The following SORCS2 variants were observed in gnomAD, a reference collection of about 807,000 sequenced individuals.
The protein encoded by SORCS2 is VPS10 domain-containing receptor SorCS2.
SORCS2 carries 100 observed loss-of-function variants against 141.6 expected under a neutral mutation model. The ratio of observed to expected loss-of-function variants is 0.71; its 90% CI spans 0.60 to 0.83. SORCS2 has a LOEUF of 0.83. Among genes scored for constraint, SORCS2 ranks in the 40% least tolerant of loss-of-function variants. The probability of loss-of-function intolerance (pLI) is 0.00; values close to 1 mark genes in which losing one functional copy is unlikely to be tolerated. For missense variants in SORCS2, 1,646 were observed against 1,560.2 expected (o/e 1.05, Z -0.93); for synonymous variants, 789 against 676.9 (o/e 1.17, Z -2.57).
intron 21 of SORCS2, among the ~76,000 whole-genome samples, chr4:7,727,719 C>G (rs866243801): frequency 6.6e-6 from 1 of 152,160 alleles, no homozygotes; most frequent in South Asian, 2.1e-4. Context: ...CCCTTGAGCC[C>G]GTCAGCCCTG....
chr4:7,452,560 G>C (rs1728532582), intron 2 of SORCS2, among the ~76,000 whole-genome samples: 1 of 152,184 alleles, frequency 6.6e-6, no homozygotes, highest in African/African-American at 2.4e-5. Context: ...CCCTGCCCCA[G>C]CCTTCTGTAA....
At chr4:7,670,103 G>A (rs1036239768) in intron 8 of SORCS2, among the ~76,000 whole-genome samples, 1 of 152,116 alleles carries the variant, frequency 6.6e-6, no homozygotes, top group Non-Finnish European at 1.5e-5. Context: ...TATTTGTGTA[G>A]CTTAGTTGCT....
rs899174284 is a variant in SORCS2, at chr4:7,395,926, G to A, written c.481-362G>A. On this transcript the variant is annotated intron_variant, in intron 1 of 26. Transcript: ENST00000507866. ...TGTCTCCAGAAGCCTTGCCAAATGC[G>A]CTCCATCCTCACATAGGGACCACTG... is the stretch of plus-strand genomic sequence containing the variant. 5.3e-5 allele frequency among the ~76,000 whole-genome samples: 8 copies of A among 152,192 alleles called. No individual in the cohort carries two copies. In the South Asian group the frequency reaches 6.2e-4, roughly 12 times the overall value.
At chr4:7,589,919 G>C (rs1485065331) in intron 3 of SORCS2, among the ~76,000 whole-genome samples, 2 of 152,218 alleles carry the variant, frequency 1.3e-5, no homozygotes, top group East Asian at 3.9e-4. Flanking sequence ...AGACTCACCA[G>C]GTCTGTGTGT....
intron 1 of SORCS2, among the ~76,000 whole-genome samples, chr4:7,300,599 G>C (rs1717371480): frequency 6.6e-6 from 1 of 152,216 alleles, no homozygotes; most frequent in Non-Finnish European, 1.5e-5. Flanking sequence ...CTTTGGAGTA[G>C]GTACTGTCAT....
intron 19 of SORCS2, 64 bp downstream of exon 19, chr4:7,723,947 G>A (rs930088562): frequency 4.1e-6 from 6 of 1,470,046 alleles, no homozygotes; most frequent in Admixed American, 2.5e-5. Context: ...CTGGCTTTGG[G>A]GGAAACACAG....
chr4:7,245,840 A>G (rs1713044359), intron 1 of SORCS2, among the ~76,000 whole-genome samples: 1 of 151,708 alleles, frequency 6.6e-6, no homozygotes, highest in Non-Finnish European at 1.5e-5. Context: ...AGGCAGGACA[A>G]CTCCCCCTTT....
intron 3 of SORCS2, among the ~76,000 whole-genome samples, chr4:7,623,123 A>G (rs1324674093): frequency 6.6e-6 from 1 of 151,924 alleles, no homozygotes; most frequent in Admixed American, 6.6e-5. Context: ...GTGCCCAGGG[A>G]CACCGATACC....
intron 3 of SORCS2, among the ~76,000 whole-genome samples, chr4:7,621,483 G>A (rs781147440): frequency 1.3e-5 from 2 of 151,410 alleles, no homozygotes; most frequent in African/African-American, 2.4e-5. Flanking sequence ...GTCTGTGTGT[G>A]TTTATATGTG....
At chr4:7,597,637 G>A (rs1717368859) in intron 3 of SORCS2, among the ~76,000 whole-genome samples, 1 of 149,996 alleles carries the variant, frequency 6.7e-6, no homozygotes, top group South Asian at 2.1e-4. Context: ...TAAAGGGAAG[G>A]GGGCTATTGT....
intron 1 of SORCS2, among the ~76,000 whole-genome samples, chr4:7,366,628 C>G (rs949889668): frequency 6.6e-6 from 1 of 152,076 alleles, no homozygotes; most frequent in African/African-American, 2.4e-5. Context: ...CCTCCAGCCT[C>G]CCATGCAGCT....
intron 1 of SORCS2, among the ~76,000 whole-genome samples, chr4:7,346,347 C>G (rs1167110149): frequency 6.6e-6 from 1 of 151,946 alleles, no homozygotes; most frequent in East Asian, 1.9e-4. Flanking sequence ...GAGATTTTCC[C>G]AAATTTCTTT....
chr4:7,501,601 G>A (rs931805780), intron 2 of SORCS2, among the ~76,000 whole-genome samples: 3 of 152,204 alleles, frequency 2.0e-5, no homozygotes, highest in African/African-American at 4.8e-5. Context: ...GCAAGGCAGA[G>A]GCTTCTCGCA....
intron 1 of SORCS2, among the ~76,000 whole-genome samples, chr4:7,292,665 G>A (rs1716689518): frequency 6.6e-6 from 1 of 152,220 alleles, no homozygotes; most frequent in South Asian, 2.1e-4. Context: ...GTTCAAGGGG[G>A]TTTGGTGACA....
At chr4:7,531,224 G>A (rs541899492) in intron 2 of SORCS2, among the ~76,000 whole-genome samples, 5 of 152,332 alleles carry the variant, frequency 3.3e-5, no homozygotes, top group East Asian at 1.9e-4. Context: ...AGAGCTGCCC[G>A]GCTCATAGGA....
intron 1 of SORCS2, among the ~76,000 whole-genome samples, chr4:7,219,425 G>A (rs1444655980): frequency 6.6e-6 from 1 of 152,194 alleles, no homozygotes; most frequent in Non-Finnish European, 1.5e-5. Context: ...GTCGAGGGCT[G>A]TGGATGAGTC....
At chr4:7,391,335 T>C (rs1349829961) in intron 1 of SORCS2, among the ~76,000 whole-genome samples, 1 of 152,196 alleles carries the variant, frequency 6.6e-6, no homozygotes, top group Non-Finnish European at 1.5e-5. Flanking sequence ...TTAATGCCGT[T>C]GTGGGTCCGA....
chr4:7,560,569 G>A (rs1714462445), intron 3 of SORCS2, among the ~76,000 whole-genome samples: 1 of 152,102 alleles, frequency 6.6e-6, no homozygotes, highest in African/African-American at 2.4e-5. Flanking sequence ...AGCCCAAGAT[G>A]CGCCCCCAGC....
intron 17 of SORCS2, among the ~76,000 whole-genome samples, chr4:7,716,868 G>A (rs1266650826): frequency 1.3e-5 from 2 of 152,246 alleles, no homozygotes; most frequent in African/African-American, 4.8e-5. Flanking sequence ...GCACGCTGTA[G>A]GTGCCATGGG....
Sources: gnomAD v4.1 joint callset for allele counts (sites outside exome capture counted in the v4.1 genomes callset) on GRCh38, gnomAD v4.1.1 for gene constraint, MANE v1.5 for transcripts, NCBI Gene and HGNC (gene_info 2026-07-23, HGNC 2026-07-21) for gene names.